The following TYW1B variants were observed in gnomAD, a reference collection of about 807,000 sequenced individuals.
TYW1B encodes the protein tRNA-yW synthesizing protein 1 homolog B.
Under a neutral mutation model 86.9 loss-of-function variants are expected in TYW1B, and 73 were observed. That is an observed-to-expected ratio of 0.84 (90% CI 0.70 to 1.02). TYW1B has a LOEUF of 1.02. Ranked by LOEUF, TYW1B falls within the 50% of genes least tolerant of loss-of-function variation. The pLI, the probability that TYW1B is intolerant of heterozygous loss-of-function variation, is 0.00. For synonymous variants in TYW1B, 248 were observed against 292.8 expected (o/e 0.85, Z 1.56); for missense variants, 637 against 827.4 (o/e 0.77, Z 2.82).
At chr7:72,814,384 ACC>A (rs1788682353) in intron 3 of TYW1B, among the ~76,000 whole-genome samples, 1 of 151,940 alleles carries the variant, frequency 6.6e-6, no homozygotes, top group Admixed American at 6.6e-5. Context: ...GGAGATCGAG[ACC>A]ATCCTGGCTA....
chr7:72,785,395 TTA>T (rs1788110779), intron 6 of TYW1B, among the ~76,000 whole-genome samples: 1 of 147,712 alleles, frequency 6.8e-6, no homozygotes, highest in African/African-American at 2.5e-5. Context: ...CTAATTCTAA[TTA>T]TATAATTCTA....
At chr7:72,576,916 C>A (rs1176203013) in intron 13 of TYW1B, among the ~76,000 whole-genome samples, 3 of 151,890 alleles carry the variant, frequency 2.0e-5, no homozygotes, top group Admixed American at 6.6e-5. Flanking sequence ...CACCTGAGGT[C>A]GGGAGTTCAA....
intron 11 of TYW1B, among the ~76,000 whole-genome samples, chr7:72,652,260 C>T (rs1813079364): frequency 6.6e-6 from 1 of 151,268 alleles, no homozygotes; most frequent in South Asian, 2.1e-4. Flanking sequence ...CGCCTGAAGT[C>T]CCAGCTACTT....
rs1481306622 is a variant in TYW1B, at chr7:72,674,678, A to AC, written c.1506+20008dup. Among the ~76,000 whole-genome samples the AC allele has an allele frequency of 5.3e-5, 8 of 151,486 alleles. No individual in the cohort carries two copies. In the East Asian group the frequency reaches 1.2e-3, roughly 22 times the overall value. ...TGATTCCTGTGCTTAAAAGCATTTTACCCCACGGAATTGTTTCCTGTTAGG... is the reference window on the plus strand; with the variant it reads ...TGATTCCTGTGCTTAAAAGCATTTTACCCCCACGGAATTGTTTCCTGTTAGG... On this transcript the variant is annotated intron_variant, in intron 11 of 13. Coordinates refer to ENST00000620995, the MANE Select transcript of TYW1B (RefSeq NM_001145440.3).
At chr7:72,652,642 T>C (rs1166475470) in intron 11 of TYW1B, among the ~76,000 whole-genome samples, 2 of 152,068 alleles carry the variant, frequency 1.3e-5, no homozygotes, top group Non-Finnish European at 2.9e-5. Context: ...TTACAGAAAG[T>C]CAGCTGTACA....
At chr7:72,799,759 C>G (rs1221258456) in intron 6 of TYW1B, among the ~76,000 whole-genome samples, 1 of 152,074 alleles carries the variant, frequency 6.6e-6, no homozygotes, top group Non-Finnish European at 1.5e-5. Flanking sequence ...GCCACCGCAC[C>G]TGCAGGTCTG....
intron 10 of TYW1B, among the ~76,000 whole-genome samples, chr7:72,711,878 A>G (rs1474346702): frequency 4.6e-5 from 7 of 151,620 alleles, no homozygotes; most frequent in African/African-American, 1.7e-4. Flanking sequence ...TATTTCCCCA[A>G]TATTTCACTA....
intron 11 of TYW1B, among the ~76,000 whole-genome samples, chr7:72,632,450 AAT>A (rs1200656335): frequency 3.9e-4 from 34 of 86,290 alleles, no homozygotes; most frequent in Admixed American, 1.0e-3. Flanking sequence ...ATATATATAA[AAT>A]ATATATATAC....
chr7:72,818,388 C>T (rs1788764663), intron 2 of TYW1B, among the ~76,000 whole-genome samples: 1 of 151,462 alleles, frequency 6.6e-6, no homozygotes, highest in South Asian at 2.1e-4. Flanking sequence ...TCGAGACCAG[C>T]CTGGGCATGG....
intron 7 of TYW1B, among the ~76,000 whole-genome samples, chr7:72,755,055 A>G (rs1787562920): frequency 6.6e-6 from 1 of 152,132 alleles, no homozygotes; most frequent in African/African-American, 2.4e-5. Flanking sequence ...GGATATGCAA[A>G]GTATTAAAAA....
At chr7:72,715,116 C>T (rs1417638104) in intron 9 of TYW1B, among the ~76,000 whole-genome samples, 3 of 151,996 alleles carry the variant, frequency 2.0e-5, no homozygotes, top group Non-Finnish European at 4.4e-5. Context: ...CTTAAAATTC[C>T]CACAATCCAG....
intron 9 of TYW1B, among the ~76,000 whole-genome samples, chr7:72,728,550 G>A (rs776203586): frequency 3.3e-5 from 5 of 152,082 alleles, no homozygotes; most frequent in African/African-American, 9.7e-5. Context: ...CAGGTGATCC[G>A]CCCGCCTCGG....
intron 13 of TYW1B, among the ~76,000 whole-genome samples, chr7:72,599,797 A>G (rs1811615565): frequency 6.6e-6 from 1 of 152,022 alleles, no homozygotes; most frequent in African/African-American, 2.4e-5. Context: ...ATTAGCATCA[A>G]AAAATTGAAA....
chr7:72,811,638 C>T (rs187048292), intron 3 of TYW1B, among the ~76,000 whole-genome samples: 4 of 151,702 alleles, frequency 2.6e-5, no homozygotes, highest in African/African-American at 4.8e-5. Flanking sequence ...TTGGCTGGGC[C>T]CAGTGGCTCA....
chr7:72,684,312 T>C (rs1355507327), intron 11 of TYW1B, among the ~76,000 whole-genome samples: 1 of 151,892 alleles, frequency 6.6e-6, no homozygotes, highest in African/African-American at 2.4e-5. Context: ...ATCAAATATT[T>C]AACAAAATCC....
At chr7:72,628,703 C>T (rs1162554054) in intron 12 of TYW1B, among the ~76,000 whole-genome samples, 184 bp downstream of exon 12, 2 of 151,948 alleles carry the variant, frequency 1.3e-5, no homozygotes, top group African/African-American at 2.4e-5. Context: ...GTCTTCTTGA[C>T]TGCTATTATC....
chr7:72,760,536 C>T (rs970108363), intron 7 of TYW1B, among the ~76,000 whole-genome samples: 3 of 152,120 alleles, frequency 2.0e-5, no homozygotes, highest in Middle Eastern at 3.2e-3. Context: ...TACGTATGCA[C>T]ATGTATTGTA....
At chr7:72,592,571 A>T (rs1811422157) in intron 13 of TYW1B, among the ~76,000 whole-genome samples, 1 of 152,212 alleles carries the variant, frequency 6.6e-6, no homozygotes, top group Non-Finnish European at 1.5e-5. Flanking sequence ...GATGCCTATT[A>T]ATTAAACCCT....
At chr7:72,709,052 T>A (rs1309198374) in intron 10 of TYW1B, among the ~76,000 whole-genome samples, 3 of 152,202 alleles carry the variant, frequency 2.0e-5, no homozygotes, top group Admixed American at 2.0e-4. Context: ...CCAGGAGGAC[T>A]GCTCTGTTTC....
Sources: allele counts gnomAD v4.1 joint callset (sites outside exome capture counted in the v4.1 genomes callset), GRCh38; gene constraint gnomAD v4.1.1; transcripts MANE v1.5; gene names NCBI Gene and HGNC (gene_info 2026-07-23, HGNC 2026-07-21).